The following PIGP variants were observed in gnomAD, a reference collection of about 807,000 sequenced individuals.
PIGP encodes phosphatidylinositol N-acetylglucosaminyltransferase subunit P.
Under a neutral mutation model 16.9 loss-of-function variants are expected in PIGP, and 12 were observed. That is an observed-to-expected ratio of 0.71 (90% CI 0.46 to 1.15). The LOEUF (loss-of-function observed/expected upper bound fraction) is 1.15. Among genes scored for constraint, PIGP ranks in the 50% most tolerant of loss-of-function variants. The pLI is 0.00. For synonymous variants in PIGP, 57 were observed against 54.7 expected, an observed-to-expected ratio of 1.04 and a Z score of -0.18; for missense variants, 159 against 153.5, an observed-to-expected ratio of 1.04 and a Z score of -0.19.
Position 37,072,462 on chromosome 21 carries a change from A to T in PIGP, c.54T>A (p.Val18=), listed in dbSNP as rs2070138041. 2.5e-6 allele frequency: 4 copies of T among 1,614,270 alleles called. No homozygotes were observed. In the South Asian group the frequency reaches 4.4e-5, roughly 18 times the overall value. Residue 18 remains valine (V), a synonymous_variant, in exon 2 of 5, where the codon GTT becomes GTA. Transcript: ENST00000360525. ...PLPERAIYGF[V]LFLSSQFGFI... is the part of the protein sequence containing the mutation. Reference sequence around the variant, plus strand: ...AGCCAAATTGGGAGCTTAAGAAAAGAACAAAGCCATAAATCGCTCTTTCTG... The same window carrying T: ...AGCCAAATTGGGAGCTTAAGAAAAGTACAAAGCCATAAATCGCTCTTTCTG...
intron 1 of PIGP, 197 bp from the exon 2 acceptor site, chr21:37,072,734 C>T (rs1569301681): frequency 3.8e-6 from 3 of 794,210 alleles, no homozygotes; most frequent in Admixed American, 2.7e-5. Context: ...GAAGGGGTGG[C>T]GGAGGATAGG....
intron 3 of PIGP, 58 bp downstream of exon 3, chr21:37,069,494 T>A (rs1467265787): frequency 2.0e-6 from 2 of 1,022,864 alleles, no homozygotes; most frequent in Admixed American, 4.9e-5. Flanking sequence ...TAAGAAATGA[T>A]ATGACTCCTC....
rs1312866140 is a variant in PIGP at position 37,067,257 on chromosome 21, G to A, written c.274+5C>T. On this transcript the variant is annotated splice_donor_5th_base_variant and intron_variant, in intron 4 of 4. Coordinates refer to ENST00000360525, the MANE Select transcript of PIGP (RefSeq NM_153682.3). ...CCCCAGCACTTTCCTTTTATATAAA[G>A]TTACCTGTGATTGTATGGATGGAGT... 6.7e-7 allele frequency: 1 copy of A among 1,498,104 alleles called. No individual in the cohort carries two copies. Among genetic ancestry groups the A allele is most frequent in the African/African-American group, 1.4e-5 (1 of 72,594 alleles). The allele number at this position is 1,498,104 out of a possible 1,614,324, so 92.8% of individuals were successfully genotyped here.
chr21:37,067,549 T>C (rs576265645), intron 3 of PIGP, among the ~76,000 whole-genome samples, 169 bp from the exon 4 acceptor site: 42 of 152,324 alleles, frequency 2.8e-4, no homozygotes, highest in African/African-American at 1.0e-3. Context: ...TGCAGTCCTC[T>C]ATCCCACCAT....
At chr21:37,070,919 T>C (rs1276957260) in intron 2 of PIGP, among the ~76,000 whole-genome samples, 2 of 152,152 alleles carry the variant, frequency 1.3e-5, no homozygotes. Flanking sequence ...TGCGCCACCA[T>C]CCCGGCTAAT....
chr21:37,065,400 C>T lies in PIGP; in HGVS notation c.*182G>A. The T allele has an allele frequency of 6.0e-6, 3 of 496,544 alleles. No homozygotes were observed. Among genetic ancestry groups the T allele is most frequent in the South Asian group, 2.4e-5 (1 of 41,092 alleles). The allele number at this position is 496,544 out of a possible 1,614,324, so 30.8% of individuals were successfully genotyped here. On this transcript the variant is annotated 3_prime_UTR_variant, in exon 5 of 5. Coordinates refer to ENST00000360525, the MANE Select transcript of PIGP (RefSeq NM_153682.3). ...ATGGGAATGCAATATTGTATTTATT[C>T]TATTCATTAACAATACTTGAACATT...
chr21:37,068,253 G>T (rs2069941198), intron 3 of PIGP, among the ~76,000 whole-genome samples: 1 of 150,018 alleles, frequency 6.7e-6, no homozygotes, highest in Non-Finnish European at 1.5e-5. Context: ...TTCTCTTTCT[G>T]GAACTTCTAA....
chr21:37,067,085 CA>C (rs1022074574), intron 4 of PIGP, among the ~76,000 whole-genome samples, 176 bp downstream of exon 4: 1 of 151,618 alleles, frequency 6.6e-6, no homozygotes, highest in African/African-American at 2.4e-5. Context: ...TGGCTCACTG[CA>C]ACCTCTGCCT....
At position 37,070,855 on chromosome 21, in the gene PIGP, C is replaced by T. The variant is rs757997833; in HGVS notation, c.83-1231G>A. On this transcript the variant is annotated intron_variant, in intron 2 of 4. Transcript: ENST00000360525. ...TCAGCTCACGGCAACCTCCGCCTCC[C>T]GGGTTCAAGCGATTCTCCTGCCTCA... Among the ~76,000 whole-genome samples, 85 of 152,230 alleles carry T rather than the reference C, an allele frequency of 5.6e-4. 2 individuals are homozygous for T. The highest frequency in any genetic ancestry group is 2.1e-4 in the Non-Finnish European group (14 of 68,044).
intron 1 of PIGP, 181 bp from the exon 2 acceptor site, chr21:37,072,718 G>GC: frequency 1.1e-6 from 1 of 916,490 alleles, no homozygotes; most frequent in Non-Finnish European, 1.6e-6. Context: ...CGCGCGCCCC[G>GC]CAACAGAAGG....
At chr21:37,070,343 T>C (rs2069982636) in intron 2 of PIGP, among the ~76,000 whole-genome samples, 1 of 152,188 alleles carries the variant, frequency 6.6e-6, no homozygotes, top group Non-Finnish European at 1.5e-5. Context: ...TCTTAACAAA[T>C]ATGTATTACA....
rs531752889 is a variant in PIGP at position 37,072,384 on chromosome 21, T to C, written c.82+50A>G. Reference sequence around the variant, plus strand: ...GTCTAACCAATGTATTCTTCCCTTGTCACTGAACGCCAGAAAAAGCCCCTG... The same window carrying C: ...GTCTAACCAATGTATTCTTCCCTTGCCACTGAACGCCAGAAAAAGCCCCTG... On this transcript the variant is annotated intron_variant, in intron 2 of 4. Coordinates refer to ENST00000360525, the MANE Select transcript of PIGP (RefSeq NM_153682.3). 22 of 1,611,580 alleles carry C rather than the reference T, an allele frequency of 1.4e-5. No homozygotes were observed. In the South Asian group the frequency reaches 2.2e-4, roughly 16 times the overall value.
chr21:37,071,285 T>G (rs1199346915), intron 2 of PIGP, among the ~76,000 whole-genome samples: 2 of 152,220 alleles, frequency 1.3e-5, no homozygotes, highest in Non-Finnish European at 1.5e-5. Flanking sequence ...AGCCAGTGTA[T>G]TTGGGTTCAA....
chr21:37,072,387 CTG>C, intron 2 of PIGP, 45 bp downstream of exon 2: 1 of 1,612,004 alleles, frequency 6.2e-7, no homozygotes, highest in Non-Finnish European at 8.5e-7. Context: ...TCCCTTGTCA[CTG>C]AACGCCAGAA....
chr21:37,070,700 T>TA (rs1569298127), intron 2 of PIGP, among the ~76,000 whole-genome samples: 1 of 152,240 alleles, frequency 6.6e-6, no homozygotes, highest in Non-Finnish European at 1.5e-5. Context: ...TCCTGGCCTG[T>TA]AACAGTGCCT....
In PIGP at chr21:37,072,429, C is replaced by G. The variant is rs202123809; in HGVS notation, c.82+5G>C. ...CCCCTGGCCATCCATCAGGAAAGTA[C>G]TTACTGAAGCCAAATTGGGAGCTTA... On this transcript the variant is annotated splice_donor_5th_base_variant and intron_variant, in intron 2 of 4. Coordinates refer to ENST00000360525, the MANE Select transcript of PIGP (RefSeq NM_153682.3). 3 of 1,614,142 alleles carry G rather than the reference C, an allele frequency of 1.9e-6. No homozygotes were observed. Among genetic ancestry groups the G allele is most frequent in the East Asian group, 4.5e-5 (2 of 44,890 alleles).
In PIGP at chr21:37,072,276, G is replaced by T. The variant is rs533099693; in HGVS notation, c.82+158C>A. ...CCTCCTAGGCTAGTGCTGGCACACG[G>T]AACACTCAGCAAACACGAGATCCCT... On this transcript the variant is annotated intron_variant, in intron 2 of 4. Transcript: ENST00000360525. 3.8e-4 allele frequency: 613 copies of T among 1,608,360 alleles called. 1 individual carries two copies. The highest frequency in any genetic ancestry group is 4.8e-4 in the Non-Finnish European group (568 of 1,177,738).
chr21:37,065,524 A>G lies in PIGP; in HGVS notation c.*58T>C. ...GTCAAATTAATTTATGGTCAAAATT[A>G]TAATGGCAAAAACTTATAAATAAAT... On this transcript the variant is annotated 3_prime_UTR_variant, in exon 5 of 5. Transcript: ENST00000360525. 1 of 1,551,806 alleles carries G rather than the reference A, an allele frequency of 6.4e-7. No homozygotes were observed. The highest frequency in any genetic ancestry group is 1.2e-5 in the South Asian group (1 of 80,934).
rs190308801 is a variant in PIGP, at chr21:37,065,416, C to T, written c.*166G>A. 140 of 574,082 alleles carry T rather than the reference C, an allele frequency of 2.4e-4. No homozygotes were observed. The Middle Eastern group carries it at 3.4e-3, about 14-fold the overall frequency. The allele number at this position is 574,082 out of a possible 1,614,324, so 35.6% of individuals were successfully genotyped here. A position where few individuals can be genotyped will look rare whatever the true frequency, so the allele number is the denominator to read the frequency against. The stretch of plus-strand genomic sequence containing the variant: ...GTATTTATTCTATTCATTAACAATA[C>T]TTGAACATTTACAATATTCATTGAA... On this transcript the variant is annotated 3_prime_UTR_variant, in exon 5 of 5. Transcript: ENST00000360525.
Sources: gnomAD v4.1 joint callset for allele counts (sites outside exome capture counted in the v4.1 genomes callset) on GRCh38, gnomAD v4.1.1 for gene constraint, MANE v1.5 for transcripts, NCBI Gene and HGNC (gene_info 2026-07-23, HGNC 2026-07-21) for gene names.